GRIK2: variants seen among roughly 807,000 people sequenced by gnomAD.
GRIK2 encodes glutamate receptor ionotropic, kainate 2.
In GRIK2, 32 loss-of-function variants were observed where a neutral mutation model predicts 100.3. That is an observed-to-expected ratio of 0.32 (90% confidence interval 0.24 to 0.43). GRIK2 has a LOEUF of 0.43. Ranked by LOEUF, GRIK2 falls within the 20% of genes least tolerant of loss-of-function variation. The pLI, the probability that GRIK2 is intolerant of heterozygous loss-of-function variation, is 1.00. For missense variants in GRIK2, 843 were observed against 1,114.9 expected, an observed-to-expected ratio of 0.76 and a Z score of 3.47; for synonymous variants, 417 against 389.4, an observed-to-expected ratio of 1.07 and a Z score of -0.83.
chr6:101,608,487 C>A (rs1779531072), intron 2 of GRIK2, among the ~76,000 whole-genome samples: 1 of 151,726 alleles, frequency 6.6e-6, no homozygotes, highest in Non-Finnish European at 1.5e-5. Context: ...TGTAATTTGC[C>A]TTTCTTACTA....
At chr6:101,705,804 T>C (rs1354975977) in intron 7 of GRIK2, among the ~76,000 whole-genome samples, 1 of 151,924 alleles carries the variant, frequency 6.6e-6, no homozygotes, top group African/African-American at 2.4e-5. Flanking sequence ...TCAGTTTTGA[T>C]ACTTTAAAAT....
chr6:101,799,577 C>A, intron 7 of GRIK2, 71 bp from the exon 8 acceptor site: 1 of 1,239,500 alleles, frequency 8.1e-7, no homozygotes, highest in Non-Finnish European at 1.2e-6. Context: ...CCCTCTTCCT[C>A]CTTGCAAACC....
At chr6:101,867,588 A>G (rs1438731940) in intron 11 of GRIK2, among the ~76,000 whole-genome samples, 1 of 151,786 alleles carries the variant, frequency 6.6e-6, no homozygotes. Context: ...TATTGAATAT[A>G]TATTCTGAGA....
chr6:101,646,546 G>A (rs921816763), intron 4 of GRIK2, among the ~76,000 whole-genome samples: 48 of 151,682 alleles, frequency 3.2e-4, no homozygotes, highest in Admixed American at 2.2e-3. Context: ...ATATATTTTA[G>A]TTTACTTTAA....
At position 101,924,034 on chromosome 6, in the gene GRIK2, G is replaced by A. The variant is rs553343799; in HGVS notation, c.1749-567G>A. 4.0e-5 allele frequency among the ~76,000 whole-genome samples: 6 copies of A among 151,548 alleles called. 2 individuals are homozygous for A. Among genetic ancestry groups the A allele is most frequent in the African/African-American group, 1.5e-4 (6 of 41,336 alleles). ...TGTCAGAAGCGTGTATTAGAATGCA[G>A]TAGATTCTTATTTTTTTGTTTCTTT... On this transcript the variant is annotated intron_variant, in intron 12 of 16. Transcript: ENST00000369134.
At chr6:101,473,097 TTTCCTTCCTTCC>T (rs202063345) in intron 2 of GRIK2, among the ~76,000 whole-genome samples, 24,139 of 133,066 alleles carry the variant, frequency 0.18, 2,422 homozygotes, top group Middle Eastern at 0.28. Flanking sequence ...AATCCTAGGT[TTTCCTTCCTTCC>T]TTCCTTCCTT....
chr6:101,834,050 G>A (rs1355541070), intron 10 of GRIK2, among the ~76,000 whole-genome samples: 1 of 151,876 alleles, frequency 6.6e-6, no homozygotes, highest in Non-Finnish European at 1.5e-5. Context: ...TTTATTTTAT[G>A]CTTATTGGCC....
At chr6:101,887,786 C>T (rs189309548) in intron 11 of GRIK2, among the ~76,000 whole-genome samples, 172 of 152,080 alleles carry the variant, frequency 1.1e-3, no homozygotes, top group Non-Finnish European at 2.0e-3. Flanking sequence ...CTCCTGAGAA[C>T]TCTATCAGGA....
chr6:101,699,088 C>G (rs761283847), intron 7 of GRIK2, among the ~76,000 whole-genome samples: 2 of 152,122 alleles, frequency 1.3e-5, no homozygotes, highest in African/African-American at 4.8e-5. Context: ...CATATGTACT[C>G]TATTCAAGCT....
intron 2 of GRIK2, among the ~76,000 whole-genome samples, chr6:101,566,604 T>C (rs1392587234): frequency 6.6e-6 from 1 of 151,714 alleles, no homozygotes; most frequent in Non-Finnish European, 1.5e-5. Flanking sequence ...AATGTATCTT[T>C]CCATAGTATA....
chr6:101,997,266 T>C (rs1794700386), intron 14 of GRIK2, among the ~76,000 whole-genome samples: 1 of 152,062 alleles, frequency 6.6e-6, no homozygotes, highest in African/African-American at 2.4e-5. Context: ...AAAAATAGTT[T>C]TAAAAATTTT....
intron 14 of GRIK2, among the ~76,000 whole-genome samples, chr6:101,933,509 A>G (rs1305073081): frequency 6.6e-6 from 1 of 151,944 alleles, no homozygotes; most frequent in Non-Finnish European, 1.5e-5. Context: ...TCAAGTCACT[A>G]CAACTACAAC....
At chr6:101,760,280 T>C in intron 7 of GRIK2, among the ~76,000 whole-genome samples, 1 of 140,070 alleles carries the variant, frequency 7.1e-6, no homozygotes, top group East Asian at 2.1e-4. Context: ...TTCAGTGATA[T>C]TTAATTAAAT....
At chr6:101,972,051 G>T (rs770333745) in intron 14 of GRIK2, among the ~76,000 whole-genome samples, 1 of 151,966 alleles carries the variant, frequency 6.6e-6, no homozygotes, top group Non-Finnish European at 1.5e-5. Flanking sequence ...GCACTGTGAT[G>T]AATGTATGAA....
intron 7 of GRIK2, among the ~76,000 whole-genome samples, chr6:101,776,573 A>G (rs960969815): frequency 2.0e-5 from 3 of 152,178 alleles, no homozygotes; most frequent in African/African-American, 4.8e-5. Flanking sequence ...ACTAGAAAAA[A>G]TAATAGTCAT....
At chr6:101,963,411 C>T (rs1792438098) in intron 14 of GRIK2, among the ~76,000 whole-genome samples, 1 of 145,292 alleles carries the variant, frequency 6.9e-6, no homozygotes, top group Admixed American at 7.0e-5. Context: ...CATTCTCCTG[C>T]CTCAGTCTCC....
chr6:101,969,670 T>C (rs890393900), intron 14 of GRIK2, among the ~76,000 whole-genome samples: 1 of 152,122 alleles, frequency 6.6e-6, no homozygotes, highest in African/African-American at 2.4e-5. Context: ...ACTTTTAGTC[T>C]TAATGCATAA....
intron 2 of GRIK2, among the ~76,000 whole-genome samples, chr6:101,511,068 T>C (rs933446880): frequency 3.3e-5 from 5 of 152,202 alleles, no homozygotes; most frequent in Admixed American, 3.3e-4. Context: ...CATCCAGTTA[T>C]CTGGGCTTTA....
At chr6:101,996,529 A>G (rs932121177) in intron 14 of GRIK2, among the ~76,000 whole-genome samples, 3 of 152,126 alleles carry the variant, frequency 2.0e-5, no homozygotes, top group African/African-American at 7.2e-5. Context: ...TGGATTGTGC[A>G]CAAAGGTATT....
Sources: gnomAD v4.1 joint callset for allele counts (sites outside exome capture counted in the v4.1 genomes callset) on GRCh38, gnomAD v4.1.1 for gene constraint, MANE v1.5 for transcripts, NCBI Gene and HGNC (gene_info 2026-07-23, HGNC 2026-07-21) for gene names.